ARHGEF3: variants seen among roughly 807,000 people sequenced by gnomAD.
ARHGEF3 encodes Rho guanine nucleotide exchange factor 3.
Under a neutral mutation model 63.2 loss-of-function variants are expected in ARHGEF3, and 28 were observed. The ratio of observed to expected loss-of-function variants is 0.44; its 90% CI spans 0.33 to 0.61. The LOEUF (loss-of-function observed/expected upper bound fraction) is 0.61, where lower values mean the gene tolerates loss of function less well. Among genes scored for constraint, ARHGEF3 ranks in the 20% least tolerant of loss-of-function variants. ARHGEF3 has a pLI of 0.03. For synonymous variants in ARHGEF3, 266 were observed against 254.2 expected (o/e 1.05, Z -0.44); for missense variants, 533 against 659.3 (o/e 0.81, Z 2.10).
chr3:56,915,069 C>T (rs778913012), intron 3 of ARHGEF3, among the ~76,000 whole-genome samples: 2 of 151,980 alleles, frequency 1.3e-5, no homozygotes, highest in Admixed American at 6.5e-5. Context: ...TGGTCATACA[C>T]AAGAGCTGGA....
At chr3:56,909,017 T>C (rs927746473) in intron 3 of ARHGEF3, among the ~76,000 whole-genome samples, 7 of 152,118 alleles carry the variant, frequency 4.6e-5, no homozygotes, top group East Asian at 1.9e-4. Flanking sequence ...AAAACACTCA[T>C]TGGGCAGCTA....
At chr3:56,886,765 G>A (rs2108270172) in intron 3 of ARHGEF3, among the ~76,000 whole-genome samples, 1 of 152,304 alleles carries the variant, frequency 6.6e-6, no homozygotes, top group South Asian at 2.1e-4. Flanking sequence ...CCATGAGGTA[G>A]GTGGATAATG....
intron 2 of ARHGEF3, among the ~76,000 whole-genome samples, chr3:57,017,301 C>T (rs893502843): frequency 2.0e-5 from 3 of 152,108 alleles, no homozygotes; most frequent in South Asian, 2.1e-4. Flanking sequence ...CTGATTCCAG[C>T]GCCCAGAAAG....
intron 2 of ARHGEF3, among the ~76,000 whole-genome samples, chr3:57,034,111 T>C (rs35549164): frequency 0.12 from 18,517 of 151,994 alleles, 1,440 homozygotes; most frequent in Non-Finnish European, 0.17. Flanking sequence ...CTAAAAGTTT[T>C]TAATTATCTA....
At chr3:56,928,375 C>T (rs1246949285) in intron 3 of ARHGEF3, among the ~76,000 whole-genome samples, 1 of 152,094 alleles carries the variant, frequency 6.6e-6, no homozygotes, top group South Asian at 2.1e-4. Flanking sequence ...TGGCAGCATC[C>T]CTACACACAT....
intron 2 of ARHGEF3, among the ~76,000 whole-genome samples, chr3:56,969,869 A>G (rs1439650560): frequency 1.3e-5 from 2 of 152,228 alleles, no homozygotes; most frequent in African/African-American, 4.8e-5. Flanking sequence ...CATTAAAAAA[A>G]GAATGAAGTA....
chr3:56,859,535 CTTT>C (rs1223726363), intron 4 of ARHGEF3, among the ~76,000 whole-genome samples: 1 of 144,034 alleles, frequency 6.9e-6, no homozygotes, highest in African/African-American at 2.5e-5. Flanking sequence ...CTTGGTACAC[CTTT>C]TTTTTTTTTG....
intron 4 of ARHGEF3, among the ~76,000 whole-genome samples, chr3:56,855,796 T>G (rs1293901075): frequency 6.6e-6 from 1 of 152,128 alleles, no homozygotes; most frequent in Non-Finnish European, 1.5e-5. Flanking sequence ...AAAACTGTCA[T>G]GCTGAACCAC....
intron 3 of ARHGEF3, among the ~76,000 whole-genome samples, chr3:56,945,511 C>T (rs62251098): frequency 0.25 from 38,537 of 151,696 alleles, 5,719 homozygotes; most frequent in East Asian, 0.39. Flanking sequence ...CACAGAGACT[C>T]GCTCATTGCT....
intron 1 of ARHGEF3, among the ~76,000 whole-genome samples, chr3:57,048,108 T>A (rs1704535110): frequency 6.6e-6 from 1 of 151,970 alleles, no homozygotes; most frequent in Admixed American, 6.6e-5. Context: ...AGGATCCAGG[T>A]CTTCCCTCCC....
chr3:57,052,422 G>A (rs563979504), intron 1 of ARHGEF3, among the ~76,000 whole-genome samples: 3 of 152,102 alleles, frequency 2.0e-5, no homozygotes, highest in South Asian at 2.1e-4. Flanking sequence ...TCAGCCTCCC[G>A]AGTAACTGGG....
intron 3 of ARHGEF3, among the ~76,000 whole-genome samples, chr3:56,953,580 C>T (rs1408826568): frequency 2.0e-5 from 3 of 152,192 alleles, no homozygotes; most frequent in Non-Finnish European, 2.9e-5. Flanking sequence ...CCCTGTCCAC[C>T]TGGCTCCCTG....
intron 2 of ARHGEF3, among the ~76,000 whole-genome samples, chr3:57,014,713 C>T (rs549984722): frequency 6.7e-6 from 1 of 149,832 alleles, no homozygotes; most frequent in East Asian, 2.0e-4. Context: ...CAGAGTCTCG[C>T]TGTGTCACCC....
chr3:56,979,115 T>C (rs1019029420), intron 2 of ARHGEF3, among the ~76,000 whole-genome samples: 2 of 152,180 alleles, frequency 1.3e-5, no homozygotes, highest in South Asian at 2.1e-4. Context: ...GATTGCACCA[T>C]TGTACTCCAG....
chr3:56,800,771 C>T (rs13098914), intron 1 of ARHGEF3, among the ~76,000 whole-genome samples: 65,715 of 152,008 alleles, frequency 0.43, 17,058 homozygotes, highest in Non-Finnish European at 0.56. Context: ...GGAAAGCTCC[C>T]AGATACACGC....
intron 3 of ARHGEF3, among the ~76,000 whole-genome samples, chr3:56,920,308 T>G (rs2108362202): frequency 6.6e-6 from 1 of 152,316 alleles, no homozygotes; most frequent in South Asian, 2.1e-4. Flanking sequence ...CCCCTCTTGT[T>G]GGGCTCTAAA....
intron 2 of ARHGEF3, among the ~76,000 whole-genome samples, chr3:56,988,036 G>C (rs1701610316): frequency 6.6e-6 from 1 of 152,174 alleles, no homozygotes; most frequent in African/African-American, 2.4e-5. Flanking sequence ...CACCTGCTAA[G>C]TGACCCTCAG....
intron 3 of ARHGEF3, among the ~76,000 whole-genome samples, chr3:56,948,991 C>T (rs1374197323): frequency 5.3e-5 from 8 of 152,110 alleles, no homozygotes; most frequent in South Asian, 2.1e-4. Context: ...AATCAATAAA[C>T]GTAATCCAGC....
At chr3:57,013,980 T>A (rs1702830579) in intron 2 of ARHGEF3, among the ~76,000 whole-genome samples, 1 of 152,182 alleles carries the variant, frequency 6.6e-6, no homozygotes, top group African/African-American at 2.4e-5. Context: ...CTCTTTGCAA[T>A]AAATCTTGCT....
Sources: gnomAD v4.1 joint callset for allele counts (sites outside exome capture counted in the v4.1 genomes callset) on GRCh38, gnomAD v4.1.1 for gene constraint, MANE v1.5 for transcripts, NCBI Gene and HGNC (gene_info 2026-07-23, HGNC 2026-07-21) for gene names.